Variants in AFF3 observed in about 807,000 individuals in gnomAD.
The protein encoded by AFF3 is AF4/FMR2 family member 3.
A neutral mutation model predicts 129.7 loss-of-function variants in AFF3; 32 were observed. The ratio of observed to expected loss-of-function variants is 0.25; its 90% CI spans 0.19 to 0.33. The LOEUF (loss-of-function observed/expected upper bound fraction) is 0.33, where lower values mean the gene tolerates loss of function less well. Among genes scored for constraint, AFF3 ranks in the 10% least tolerant of loss-of-function variants. The pLI, the probability that AFF3 is intolerant of heterozygous loss-of-function variation, is 1.00. For synonymous variants in AFF3, 644 were observed against 635.4 expected, an observed-to-expected ratio of 1.01 and a Z score of -0.20; for missense variants, 1,373 against 1,592.0, an observed-to-expected ratio of 0.86 and a Z score of 2.34.
At chr2:99,950,924 G>A (rs759242248) in intron 7 of AFF3, among the ~76,000 whole-genome samples, 30 of 152,102 alleles carry the variant, frequency 2.0e-4, no homozygotes, top group South Asian at 4.1e-4. Flanking sequence ...CCAAACACAC[G>A]TGCCTGTGTG....
At chr2:100,128,122 CG>C (rs147014115) in intron 2 of AFF3, among the ~76,000 whole-genome samples, 7,135 of 152,184 alleles carry the variant, frequency 0.047, 446 homozygotes, top group African/African-American at 0.15. Context: ...ATGGGAGGCA[CG>C]AATAATCCAC....
intron 7 of AFF3, among the ~76,000 whole-genome samples, chr2:99,868,016 C>CTT (rs531223035): frequency 0.34 from 46,041 of 135,884 alleles, 8,321 homozygotes; most frequent in East Asian, 0.5. Flanking sequence ...CTCTTTCTTT[C>CTT]CTTTTTTTTT....
At chr2:99,989,481 C>T (rs1240846653) in intron 7 of AFF3, among the ~76,000 whole-genome samples, 5 of 152,146 alleles carry the variant, frequency 3.3e-5, no homozygotes, top group Admixed American at 3.3e-4. Flanking sequence ...AGGGCTGAGC[C>T]CGACAATGGT....
intron 4 of AFF3, among the ~76,000 whole-genome samples, chr2:100,084,402 C>T (rs1689265588): frequency 6.6e-6 from 1 of 152,206 alleles, no homozygotes. Context: ...ATAGAGCTAT[C>T]CACAGCTAGC....
chr2:99,796,648 C>T (rs527865001), intron 8 of AFF3, among the ~76,000 whole-genome samples: 5 of 152,250 alleles, frequency 3.3e-5, no homozygotes, highest in South Asian at 4.1e-4. Context: ...GACACAAGAG[C>T]GGAGATTGCT....
intron 8 of AFF3, among the ~76,000 whole-genome samples, chr2:99,792,565 G>A (rs1685274514): frequency 6.6e-6 from 1 of 152,104 alleles, no homozygotes; most frequent in Non-Finnish European, 1.5e-5. Flanking sequence ...TAGCATCTTC[G>A]GAGCAAAGCA....
chr2:100,131,621 G>A lies in AFF3; in HGVS notation c.-227-2315C>T, dbSNP rs140840158. On this transcript the variant is annotated intron_variant, in intron 1 of 24. Transcript: ENST00000672756. ...ATTATAGGCATGTACCACCACACCC[G>A]GCTAATTTTTGTATTTTTAGTAGAG... 3.6e-3 allele frequency among the ~76,000 whole-genome samples: 550 copies of A among 152,046 alleles called. 2 individuals are homozygous for A. The highest frequency in any genetic ancestry group is 0.012 in the Admixed American group (188 of 15,274).
chr2:99,957,180 T>C (rs547488365), intron 7 of AFF3, among the ~76,000 whole-genome samples: 111 of 140,976 alleles, frequency 7.9e-4, no homozygotes, highest in Non-Finnish European at 1.4e-3. Flanking sequence ...CGTGTGTGTG[T>C]GCGTGTGTGT....
rs1024643123 is a variant in AFF3 at position 100,130,110 on chromosome 2, C to G, written c.-227-804G>C. On this transcript the variant is annotated intron_variant, in intron 1 of 24. Coordinates refer to ENST00000672756, the MANE Select transcript of AFF3 (RefSeq NM_001386135.1). ...TGTGTATGTCACACTTTCAGTAGCT[C>G]CCTGTCAGTTGACAGCGTGTGGCAC... 1.0e-3 allele frequency among the ~76,000 whole-genome samples: 152 copies of G among 152,300 alleles called. 1 individual carries two copies. Among genetic ancestry groups the G allele is most frequent in the African/African-American group, 3.5e-3 (147 of 41,548 alleles).
intron 7 of AFF3, among the ~76,000 whole-genome samples, chr2:99,952,436 C>A (rs1213256800): frequency 1.3e-5 from 2 of 152,084 alleles, no homozygotes; most frequent in Non-Finnish European, 2.9e-5. Context: ...TTCTTTACAG[C>A]AATGCGAAAA....
chr2:100,048,837 T>C (rs1187939207), intron 4 of AFF3, among the ~76,000 whole-genome samples: 1 of 152,226 alleles, frequency 6.6e-6, no homozygotes, highest in Non-Finnish European at 1.5e-5. Flanking sequence ...TTATTGATGT[T>C]CACGCTCACA....
At chr2:99,936,700 T>C (rs909289421) in intron 7 of AFF3, among the ~76,000 whole-genome samples, 1 of 152,160 alleles carries the variant, frequency 6.6e-6, no homozygotes, top group Non-Finnish European at 1.5e-5. Flanking sequence ...CTCGGGCTCA[T>C]GGGGAGAAAT....
chr2:100,064,253 C>T (rs1362818216), intron 4 of AFF3, among the ~76,000 whole-genome samples: 2 of 152,048 alleles, frequency 1.3e-5, no homozygotes, highest in Non-Finnish European at 2.9e-5. Flanking sequence ...GTGAGAAATC[C>T]CTTCTATTTC....
intron 13 of AFF3, among the ~76,000 whole-genome samples, chr2:99,603,420 C>T (rs1575480132): frequency 6.6e-6 from 1 of 152,080 alleles, no homozygotes; most frequent in Non-Finnish European, 1.5e-5. Context: ...GGAGAACTGG[C>T]TAGCCATATG....
intron 4 of AFF3, among the ~76,000 whole-genome samples, chr2:100,016,994 G>T (rs1683182404): frequency 6.6e-6 from 1 of 151,500 alleles, no homozygotes; most frequent in Non-Finnish European, 1.5e-5. Context: ...GGTAATGATG[G>T]TGGTGGTTGT....
chr2:100,023,992 G>A (rs1427196533), intron 4 of AFF3, among the ~76,000 whole-genome samples: 3 of 151,934 alleles, frequency 2.0e-5, no homozygotes, highest in Admixed American at 2.0e-4. Flanking sequence ...CAGCACTTTG[G>A]GAGGCCGAGG....
intron 7 of AFF3, among the ~76,000 whole-genome samples, chr2:99,917,705 C>T (rs1695569532): frequency 6.6e-6 from 1 of 152,112 alleles, no homozygotes; most frequent in African/African-American, 2.4e-5. Flanking sequence ...TTATGATATT[C>T]TGATAATAGT....
intron 7 of AFF3, among the ~76,000 whole-genome samples, chr2:99,884,290 C>T (rs1237390813): frequency 1.3e-5 from 2 of 152,180 alleles, no homozygotes; most frequent in African/African-American, 4.8e-5. Context: ...TTTAACACAT[C>T]CATCACCTCA....
At chr2:99,867,113 C>G (rs1211711857) in intron 7 of AFF3, among the ~76,000 whole-genome samples, 2 of 151,988 alleles carry the variant, frequency 1.3e-5, no homozygotes, top group Admixed American at 6.6e-5. Context: ...ACACTAGATG[C>G]TGAGTTTCAA....
Sources: gnomAD v4.1 joint callset for allele counts (sites outside exome capture counted in the v4.1 genomes callset) on GRCh38, gnomAD v4.1.1 for gene constraint, MANE v1.5 for transcripts, NCBI Gene and HGNC (gene_info 2026-07-23, HGNC 2026-07-21) for gene names.